MLLT1: variants seen among roughly 807,000 people sequenced by gnomAD.
The protein encoded by MLLT1 is protein ENL.
Under a neutral mutation model 55.1 loss-of-function variants are expected in MLLT1, and 11 were observed. The observed-to-expected ratio is 0.20, with a 90% CI of 0.13 to 0.33. The LOEUF (loss-of-function observed/expected upper bound fraction) is 0.33, where lower values mean the gene tolerates loss of function less well. Among genes scored for constraint, MLLT1 ranks in the 10% least tolerant of loss-of-function variants. The pLI is 1.00. For synonymous variants in MLLT1, 323 were observed against 320.1 expected, an observed-to-expected ratio of 1.01 and a Z score of -0.10; for missense variants, 536 against 760.6, an observed-to-expected ratio of 0.70 and a Z score of 3.47.
At chr19:6,238,822 A>G (rs1016494255) in intron 3 of MLLT1, among the ~76,000 whole-genome samples, 1 of 149,728 alleles carries the variant, frequency 6.7e-6, no homozygotes, top group African/African-American at 2.5e-5. Flanking sequence ...TTCTCCGGCC[A>G]GCAGCCAAAC....
At chr19:6,242,526 T>C (rs1187369332) in intron 3 of MLLT1, among the ~76,000 whole-genome samples, 2 of 152,230 alleles carry the variant, frequency 1.3e-5, no homozygotes, top group Non-Finnish European at 2.9e-5. Flanking sequence ...CTAATATTAG[T>C]GGCAAATAAC....
At chr19:6,243,030 T>A (rs762864209) in intron 3 of MLLT1, among the ~76,000 whole-genome samples, 2 of 152,184 alleles carry the variant, frequency 1.3e-5, no homozygotes, top group African/African-American at 2.4e-5. Flanking sequence ...GGAAATTAAG[T>A]CACATCAAAT....
chr19:6,237,250 C>T (rs191233991), intron 3 of MLLT1, among the ~76,000 whole-genome samples: 57 of 152,298 alleles, frequency 3.7e-4, no homozygotes, highest in African/African-American at 1.3e-3. Flanking sequence ...TCTGAGAGGC[C>T]ACACTCCCTC....
chr19:6,238,819 G>A (rs1240668993), intron 3 of MLLT1, among the ~76,000 whole-genome samples: 1 of 149,756 alleles, frequency 6.7e-6, no homozygotes, highest in Non-Finnish European at 1.5e-5. Context: ...GCCTTCTCCG[G>A]CCAGCAGCCA....
intron 3 of MLLT1, among the ~76,000 whole-genome samples, chr19:6,249,937 G>C (rs1372545202): frequency 2.0e-5 from 3 of 152,072 alleles, no homozygotes; most frequent in African/African-American, 7.2e-5. Context: ...TGGGAGGATT[G>C]CTTGAGGGGA....
chr19:6,272,843 T>C (rs1197406189), intron 1 of MLLT1, among the ~76,000 whole-genome samples: 1 of 152,244 alleles, frequency 6.6e-6, no homozygotes, highest in Non-Finnish European at 1.5e-5. Flanking sequence ...GCTGAGGGTC[T>C]GTGCGCACAG....
intron 8 of MLLT1, among the ~76,000 whole-genome samples, chr19:6,215,163 C>T (rs1236620098): frequency 6.6e-6 from 1 of 152,246 alleles, no homozygotes; most frequent in Non-Finnish European, 1.5e-5. Context: ...GCGCTCCCTG[C>T]CCCGGCAACG....
intron 3 of MLLT1, among the ~76,000 whole-genome samples, chr19:6,253,910 T>C (rs569924667): frequency 6.6e-6 from 1 of 152,298 alleles, no homozygotes; most frequent in Non-Finnish European, 1.5e-5. Flanking sequence ...TGAGAGATGG[T>C]GGTGATAGAA....
At chr19:6,265,057 C>CAAAAAAAAAAAAAAA (rs1206210263) in intron 2 of MLLT1, among the ~76,000 whole-genome samples, 2 of 32,602 alleles carry the variant, frequency 6.1e-5, no homozygotes, top group African/African-American at 1.9e-4. Context: ...AACAAAAAAA[C>CAAAAAAAAAAAAAAA]AAAAAAACAA....
At position 6,210,395 on chromosome 19, in the gene MLLT1, A is replaced by C. The variant is rs1306855775; in HGVS notation, c.*2647T>G. ...ATGCATGCGTCTGCTTTCCCATCTG[A>C]CTTTATTTCACTTTTTTTTTCTATA... is the stretch of plus-strand genomic sequence containing the variant. On this transcript the variant is annotated 3_prime_UTR_variant, in exon 12 of 12. Coordinates refer to ENST00000252674, the MANE Select transcript of MLLT1 (RefSeq NM_005934.4). The surrounding 1 kb of genome is among the most constrained non-coding windows in gnomAD (Gnocchi z 4.6). 1 of 181,680 alleles carries C rather than the reference A, an allele frequency of 5.5e-6. No homozygotes were observed. Among genetic ancestry groups the C allele is most frequent in the Non-Finnish European group, 1.2e-5 (1 of 85,044 alleles). 11.3% of individuals were successfully genotyped at this position (181,680 alleles called of 1,614,324 possible). A position where few individuals can be genotyped will look rare whatever the true frequency, so the allele number is the denominator to read the frequency against.
At position 6,273,267 on chromosome 19, in the gene MLLT1, G is replaced by C. The variant is rs2091408660; in HGVS notation, c.13-2508C>G. On this transcript the variant is annotated intron_variant, in intron 1 of 11. Transcript: ENST00000252674. This position sits in a 1 kb window ranked among gnomAD's most constrained non-coding sequence, Gnocchi z 4.3. ...GCCCATGAGGAGGCAACCAGAAGGA[G>C]TGGCTGGAAAAAGGGGTGAACACAG... 6.6e-6 allele frequency among the ~76,000 whole-genome samples: 1 copy of C among 152,140 alleles called. No homozygotes were observed. Among genetic ancestry groups the C allele is most frequent in the African/African-American group, 2.4e-5 (1 of 41,426 alleles).
At chr19:6,251,207 C>T (rs1024426128) in intron 3 of MLLT1, among the ~76,000 whole-genome samples, 1 of 152,146 alleles carries the variant, frequency 6.6e-6, no homozygotes, top group Admixed American at 6.5e-5. Flanking sequence ...TACTAAATGC[C>T]ACTTTACTTA....
chr19:6,226,897 T>C lies in MLLT1; in HGVS notation c.546+80A>G. The C allele has an allele frequency of 6.9e-6, 9 of 1,296,772 alleles. No homozygotes were observed. The highest frequency in any genetic ancestry group is 9.2e-6 in the Non-Finnish European group (9 of 981,034). The allele number at this position is 1,296,772 out of a possible 1,614,324, so 80.3% of individuals were successfully genotyped here. ...AGCAGGTGCGGAAGGCCCAGCCCAG[T>C]GGAGGGAGGGCGCCGGGGCCAGACC... On this transcript the variant is annotated intron_variant, in intron 5 of 11. Transcript: ENST00000252674. The surrounding 1 kb of genome is among the most constrained non-coding windows in gnomAD (Gnocchi z 6.3).
rs1250637989 is a variant in MLLT1, at chr19:6,226,938, C to T, written c.546+39G>A. The stretch of plus-strand genomic sequence containing the variant: ...GGGCCAGACCCACCACAGCTGGGCC[C>T]CGGCGCTCCCACGCGACTGGGCCTT... On this transcript the variant is annotated intron_variant, in intron 5 of 11. Transcript: ENST00000252674. The surrounding 1 kb of genome is among the most constrained non-coding windows in gnomAD (Gnocchi z 6.3). 1.3e-6 allele frequency: 2 copies of T among 1,514,960 alleles called. No homozygotes were observed. The highest frequency in any genetic ancestry group is 1.8e-6 in the Non-Finnish European group (2 of 1,132,604). The allele number at this position is 1,514,960 out of a possible 1,614,324, so 93.8% of individuals were successfully genotyped here.
chr19:6,248,414 A>T (rs1473023626), intron 3 of MLLT1, among the ~76,000 whole-genome samples: 2 of 152,218 alleles, frequency 1.3e-5, no homozygotes, highest in Non-Finnish European at 2.9e-5. Flanking sequence ...CTTCTAAGCA[A>T]CAACCAGTGG....
At position 6,229,314 on chromosome 19, in the gene MLLT1, G is replaced by T. The variant is rs2090983697; in HGVS notation, c.420+1256C>A. On this transcript the variant is annotated intron_variant, in intron 4 of 11. Transcript: ENST00000252674. This position sits in a 1 kb window ranked among gnomAD's most constrained non-coding sequence, Gnocchi z 5.2. ...CTCCCCGGATCAGAACCACAAGCAG[G>T]GCTTCACAAGGATCACAGCAGGACT... is the stretch of plus-strand genomic sequence containing the variant. Among the ~76,000 whole-genome samples, 1 of 152,072 alleles carries T rather than the reference G, an allele frequency of 6.6e-6. No individual in the cohort carries two copies. Among genetic ancestry groups the T allele is most frequent in the Admixed American group, 6.5e-5 (1 of 15,276 alleles).
chr19:6,266,115 C>T (rs1359424317), intron 2 of MLLT1, among the ~76,000 whole-genome samples: 1 of 150,644 alleles, frequency 6.6e-6, no homozygotes, highest in Non-Finnish European at 1.5e-5. Context: ...CCCGTCTCTG[C>T]AAAAAATAAA....
chr19:6,261,341 G>A (rs1009127925), intron 3 of MLLT1, among the ~76,000 whole-genome samples: 14 of 152,330 alleles, frequency 9.2e-5, no homozygotes, highest in South Asian at 8.3e-4. Flanking sequence ...ACGGCCGCAC[G>A]CCAAATGCCT....
chr19:6,226,668 G>A lies in MLLT1; in HGVS notation c.546+309C>T, dbSNP rs867025786. 1.1e-4 allele frequency among the ~76,000 whole-genome samples: 16 copies of A among 152,158 alleles called. No individual in the cohort carries two copies. Among genetic ancestry groups the A allele is most frequent in the East Asian group, 1.9e-4 (1 of 5,130 alleles). ...AGCGGCCGCCCCAACAGCCTTCGGC[G>A]AAGGTCTCAGGGCTTCAGGCCGAGC... On this transcript the variant is annotated intron_variant, in intron 5 of 11. Coordinates refer to ENST00000252674, the MANE Select transcript of MLLT1 (RefSeq NM_005934.4). The surrounding 1 kb of genome is among the most constrained non-coding windows in gnomAD (Gnocchi z 6.3).
Sources: gnomAD v4.1 joint callset for allele counts (sites outside exome capture counted in the v4.1 genomes callset) on GRCh38, gnomAD v4.1.1 for gene constraint, Gnocchi (gnomAD v3.1) non-coding constraint, MANE v1.5 for transcripts, NCBI Gene and HGNC (gene_info 2026-07-23, HGNC 2026-07-21) for gene names.